Variants in MSRB3 observed in about 807,000 individuals in gnomAD.
MSRB3 encodes the protein methionine-R-sulfoxide reductase B3.
MSRB3 carries 13 observed loss-of-function variants against 21.0 expected under a neutral mutation model. The ratio of observed to expected loss-of-function variants is 0.62; its 90% CI spans 0.40 to 0.98. The LOEUF (loss-of-function observed/expected upper bound fraction) is 0.98, where lower values mean the gene tolerates loss of function less well. MSRB3 is among the 50% of genes least tolerant of loss of function. The pLI, the probability that MSRB3 is intolerant of heterozygous loss-of-function variation, is 0.00. For synonymous variants in MSRB3, 87 were observed against 88.6 expected (o/e 0.98, Z 0.10); for missense variants, 199 against 230.3 (o/e 0.86, Z 0.88).
At chr12:65,454,245 G>GCA in intron 6 of MSRB3, 1 of 328,222 alleles carries the variant, frequency 3.0e-6, no homozygotes, top group Non-Finnish European at 5.7e-6. Flanking sequence ...CTGTGATCAT[G>GCA]CCACTGTAGT....
intron 4 of MSRB3, among the ~76,000 whole-genome samples, chr12:65,353,388 G>T (rs532603825): frequency 0.032 from 4,867 of 152,190 alleles, 263 homozygotes; most frequent in African/African-American, 0.11. Flanking sequence ...CTAAAGACTT[G>T]CTTTATGAAT....
chr12:65,341,421 G>A (rs1418325984), intron 4 of MSRB3, among the ~76,000 whole-genome samples: 1 of 151,958 alleles, frequency 6.6e-6, no homozygotes, highest in Non-Finnish European at 1.5e-5. Flanking sequence ...AACAGTTGGG[G>A]GGAAGGGAGG....
chr12:65,337,357 C>T (rs1305833519), intron 4 of MSRB3, among the ~76,000 whole-genome samples: 8 of 149,790 alleles, frequency 5.3e-5, no homozygotes. Flanking sequence ...TCGCTTGAAC[C>T]CGGGAGATAG....
intron 2 of MSRB3, among the ~76,000 whole-genome samples, chr12:65,325,629 C>T (rs796939869): frequency 2.6e-5 from 4 of 152,004 alleles, no homozygotes; most frequent in African/African-American, 7.2e-5. Context: ...GTACCTTGAA[C>T]GTAAAAAAAA....
At chr12:65,350,167 A>G (rs1321606329) in intron 4 of MSRB3, among the ~76,000 whole-genome samples, 3 of 151,746 alleles carry the variant, frequency 2.0e-5, no homozygotes, top group Non-Finnish European at 4.4e-5. Context: ...TAAATAGGGA[A>G]TCCTTTCCCC....
At chr12:65,351,196 C>T (rs1440126040) in intron 4 of MSRB3, among the ~76,000 whole-genome samples, 1 of 151,660 alleles carries the variant, frequency 6.6e-6, no homozygotes, top group East Asian at 1.9e-4. Context: ...ACTGAACAAC[C>T]TGCTCCTGAA....
chr12:65,455,390 G>A (rs1056683177), intron 6 of MSRB3, among the ~76,000 whole-genome samples: 2 of 152,216 alleles, frequency 1.3e-5, no homozygotes, highest in Non-Finnish European at 2.9e-5. Flanking sequence ...GATGGTGATA[G>A]TGGAACTTTC....
chr12:65,405,060 C>A (rs1490618436), intron 5 of MSRB3, among the ~76,000 whole-genome samples: 1 of 151,886 alleles, frequency 6.6e-6, no homozygotes, highest in South Asian at 2.1e-4. Flanking sequence ...AAGCAATTCT[C>A]CTGCTTCAGC....
At chr12:65,419,601 G>C (rs1881169640) in intron 5 of MSRB3, 2 of 722,136 alleles carry the variant, frequency 2.8e-6, no homozygotes, top group Non-Finnish European at 5.1e-6. Flanking sequence ...TATTTGTGAA[G>C]ATATGAGCCC....
intron 5 of MSRB3, among the ~76,000 whole-genome samples, chr12:65,377,986 C>G (rs189794922): frequency 6.6e-6 from 1 of 152,146 alleles, no homozygotes; most frequent in African/African-American, 2.4e-5. Flanking sequence ...AGGAGATCCA[C>G]GCAGGAGAGC....
chr12:65,336,813 T>C (rs1419382422), intron 4 of MSRB3, among the ~76,000 whole-genome samples: 1 of 152,200 alleles, frequency 6.6e-6, no homozygotes, highest in Non-Finnish European at 1.5e-5. Context: ...AAAATAGTTA[T>C]TAAGAATTGC....
intron 5 of MSRB3, among the ~76,000 whole-genome samples, chr12:65,437,503 G>A (rs898690658): frequency 6.6e-6 from 1 of 151,756 alleles, no homozygotes; most frequent in Non-Finnish European, 1.5e-5. Flanking sequence ...AACCAGGCCT[G>A]AACCCAAGTG....
chr12:65,281,659 T>G (rs1872028837), intron 1 of MSRB3: 1 of 152,126 alleles, frequency 6.6e-6, no homozygotes, highest in African/African-American at 2.4e-5. Flanking sequence ...GCCTAACTGG[T>G]TTTTGGGGAT....
At chr12:65,334,729 C>A (rs898199390) in intron 4 of MSRB3, among the ~76,000 whole-genome samples, 1 of 152,166 alleles carries the variant, frequency 6.6e-6, no homozygotes, top group Non-Finnish European at 1.5e-5. Context: ...CCCTTGGAAT[C>A]CTGACAAGAA....
Position 65,339,130 on chromosome 12 carries a change from C to T in MSRB3, c.263+10527C>T, listed in dbSNP as rs57962462. Reference sequence around the variant, plus strand: ...TCCAGACATTCCAGACAGAGACATACTGCTAAGAGGCAGACATACTAACAG... The same window carrying T: ...TCCAGACATTCCAGACAGAGACATATTGCTAAGAGGCAGACATACTAACAG... On this transcript the variant is annotated intron_variant, in intron 4 of 6. Transcript: ENST00000308259. Among the ~76,000 whole-genome samples the T allele has an allele frequency of 5.4e-3, 816 of 152,256 alleles. 5 individuals are homozygous for T. Among genetic ancestry groups the T allele is most frequent in the African/African-American group, 0.019 (777 of 41,550 alleles).
chr12:65,347,444 A>C (rs917220516), intron 4 of MSRB3, among the ~76,000 whole-genome samples: 5 of 152,200 alleles, frequency 3.3e-5, no homozygotes, highest in African/African-American at 1.2e-4. Flanking sequence ...TTGTATCCTG[A>C]GACTTTGCTG....
At chr12:65,411,767 AAATAT>A (rs1480421463) in intron 5 of MSRB3, among the ~76,000 whole-genome samples, 7 of 148,974 alleles carry the variant, frequency 4.7e-5, no homozygotes, top group Non-Finnish European at 1.0e-4. Context: ...ATATATACTA[AAATAT>A]AATATGTGTA....
chr12:65,437,822 T>C (rs1008654238), intron 5 of MSRB3, among the ~76,000 whole-genome samples: 2 of 151,928 alleles, frequency 1.3e-5, no homozygotes, highest in African/African-American at 4.8e-5. Flanking sequence ...TCCTGATCAG[T>C]TGGATCTGAG....
intron 4 of MSRB3, among the ~76,000 whole-genome samples, chr12:65,340,131 AAGATGGAGAATTTCACC>A (rs1876042342): frequency 1.3e-5 from 2 of 152,184 alleles, no homozygotes; most frequent in South Asian, 4.1e-4. Flanking sequence ...AATAGATGAC[AAGATGGAGAATTTCACC>A]AGACAGCTGG....
Sources: allele counts gnomAD v4.1 joint callset (sites outside exome capture counted in the v4.1 genomes callset), GRCh38; gene constraint gnomAD v4.1.1; transcripts MANE v1.5; gene names NCBI Gene and HGNC (gene_info 2026-07-23, HGNC 2026-07-21).